TPRX2: variants seen among roughly 807,000 people sequenced by gnomAD.
The protein encoded by TPRX2 is tetrapeptide repeat homeobox 2, also known as tetrapeptide repeat homeobox protein 2.
At chr19:47,860,401 G>T in the TPRX2 span, 5 of 681,450 alleles carry the variant, frequency 7.3e-6, no homozygotes, top group Admixed American at 2.3e-5. Context: ...AAGGGGTCCC[G>T]CCAGTGTAGA....
the TPRX2 span, chr19:47,861,450 A>G: frequency 2.4e-6 from 2 of 832,860 alleles, no homozygotes; most frequent in Non-Finnish European, 3.6e-6. Context: ...GTCTCAGTAC[A>G]AAGAGGAGGA....
chr19:47,859,518 A>G, the TPRX2 span, among the ~76,000 whole-genome samples: 1 of 148,950 alleles, frequency 6.7e-6, no homozygotes, highest in Non-Finnish European at 1.5e-5. Context: ...CTCTGAAACC[A>G]GCCGAGCCAA....
the TPRX2 span, chr19:47,861,209 C>T: frequency 3.3e-6 from 2 of 610,236 alleles, no homozygotes; most frequent in Non-Finnish European, 6.2e-6. Context: ...CAGTCTCGAT[C>T]CCCGGTCCAA....
the TPRX2 span, chr19:47,861,194 A>C: frequency 1.6e-6 from 1 of 643,894 alleles, no homozygotes; most frequent in Non-Finnish European, 2.9e-6. Context: ...TGTCAGGCCC[A>C]CTGTCAGTCT....
At chr19:47,860,548 G>C in the TPRX2 span, among the ~76,000 whole-genome samples, 185 of 151,518 alleles carry the variant, frequency 1.2e-3, 1 homozygote, top group Middle Eastern at 0.01. Context: ...TCCCTCCCCT[G>C]GAACCCTCCC....
the TPRX2 span, chr19:47,860,658 T>A: frequency 1.8e-6 from 1 of 556,156 alleles, no homozygotes; most frequent in South Asian, 2.0e-5. Context: ...TCTCCAGGCC[T>A]GGGAGCCGGG....
the TPRX2 span, chr19:47,860,048 G>A: frequency 5.0e-6 from 7 of 1,405,448 alleles, no homozygotes; most frequent in South Asian, 2.5e-5. Flanking sequence ...CGCAGGGGAC[G>A]GGGTCCCTAG....
At chr19:47,861,570 A>G in the TPRX2 span, 1 of 1,090,826 alleles carries the variant, frequency 9.2e-7, no homozygotes, top group South Asian at 1.3e-5. Flanking sequence ...GCTGATCTAC[A>G]CTGCTGGTGA....
chr19:47,859,875 TC>T, the TPRX2 span, among the ~76,000 whole-genome samples: 1 of 150,498 alleles, frequency 6.6e-6, no homozygotes, highest in Non-Finnish European at 1.5e-5. Flanking sequence ...CCCCGTCTGC[TC>T]CGAGGTGAGG....
At chr19:47,861,409 G>A in the TPRX2 span, 53 of 563,132 alleles carry the variant, frequency 9.4e-5, no homozygotes, top group Non-Finnish European at 1.2e-4. Flanking sequence ...CTCCTAGACC[G>A]GTTCGAGGAA....
the TPRX2 span, chr19:47,861,020 G>T: frequency 4.2e-6 from 4 of 957,672 alleles, no homozygotes; most frequent in Non-Finnish European, 6.5e-6. Context: ...CAGCAGAACC[G>T]AAGATCTACA....
chr19:47,860,975 C>A, the TPRX2 span: 1 of 1,329,930 alleles, frequency 7.5e-7, no homozygotes. Context: ...GTTCCTGGAT[C>A]TCCCCTCAGC....
At chr19:47,861,152 A>C in the TPRX2 span, 1 of 690,268 alleles carries the variant, frequency 1.4e-6, no homozygotes, top group East Asian at 2.8e-5. Flanking sequence ...TCCCAGGCCC[A>C]GTCCCAGGCC....
chr19:47,860,476 C>G, the TPRX2 span, among the ~76,000 whole-genome samples: 2 of 151,590 alleles, frequency 1.3e-5, no homozygotes, highest in Admixed American at 1.3e-4. Context: ...CATGATCGGC[C>G]CAGGCTGTCC....
the TPRX2 span, among the ~76,000 whole-genome samples, chr19:47,859,944 C>A: frequency 1.3e-5 from 2 of 151,044 alleles, no homozygotes; most frequent in African/African-American, 4.8e-5. Context: ...TAGATGTGGA[C>A]CCTGAGGCCC....
the TPRX2 span, chr19:47,860,921 C>T: frequency 4.6e-6 from 7 of 1,524,588 alleles, no homozygotes; most frequent in Non-Finnish European, 4.4e-6. Context: ...TCCCTGTAGC[C>T]GCTGCCTCCT....
At chr19:47,860,394 G>A in the TPRX2 span, 1 of 670,678 alleles carries the variant, frequency 1.5e-6, no homozygotes, top group Non-Finnish European at 2.6e-6. Flanking sequence ...GCCACGCAAG[G>A]GGTCCCGCCA....
At chr19:47,861,212 C>T in the TPRX2 span, 2 of 600,846 alleles carry the variant, frequency 3.3e-6, no homozygotes, top group South Asian at 1.5e-5. Context: ...TCTCGATCCC[C>T]GGTCCAATAC....
At chr19:47,861,499 T>G in the TPRX2 span, 32 of 1,308,908 alleles carry the variant, frequency 2.4e-5, 1 homozygote, top group South Asian at 3.6e-4. Context: ...CCCAGGTCAT[T>G]ACTGGATTTA....
Sources: allele counts gnomAD v4.1 joint callset (sites outside exome capture counted in the v4.1 genomes callset), GRCh38; gene constraint gnomAD v4.1.1; transcripts MANE v1.5; gene names NCBI Gene and HGNC (gene_info 2026-07-23, HGNC 2026-07-21).